Variants in MYO10 observed in about 807,000 individuals in gnomAD.
MYO10 encodes myosin X.
MYO10 carries 133 observed loss-of-function variants against 257.3 expected under a neutral mutation model. The ratio of observed to expected loss-of-function variants is 0.52; its 90% confidence interval spans 0.45 to 0.60. The LOEUF is 0.60. MYO10 is among the 20% of genes least tolerant of loss of function. The probability of loss-of-function intolerance (pLI) is 0.00; values close to 1 mark genes in which losing one functional copy is unlikely to be tolerated. For synonymous variants in MYO10, 1,104 were observed against 1,028.6 expected (o/e 1.07, Z -1.40); for missense variants, 2,399 against 2,635.7 (o/e 0.91, Z 1.97).
At chr5:16,925,750 T>C (rs558067622) in intron 1 of MYO10, among the ~76,000 whole-genome samples, 4 of 152,264 alleles carry the variant, frequency 2.6e-5, no homozygotes, top group South Asian at 2.1e-4. Flanking sequence ...TGAAAAGTTA[T>C]AAAGAACCTC....
At chr5:16,766,457 C>T (rs563907669) in intron 10 of MYO10, among the ~76,000 whole-genome samples, 1 of 152,220 alleles carries the variant, frequency 6.6e-6, no homozygotes, top group South Asian at 2.1e-4. Context: ...TTTTTTGAGA[C>T]GGAGTCTCGC....
chr5:16,705,371 G>A (rs927593547), intron 21 of MYO10, among the ~76,000 whole-genome samples: 1 of 152,190 alleles, frequency 6.6e-6, no homozygotes, highest in Non-Finnish European at 1.5e-5. Flanking sequence ...GCCTATGTCT[G>A]AGAATGGACA....
chr5:16,698,582 C>T (rs1208236026), intron 26 of MYO10, among the ~76,000 whole-genome samples: 8 of 151,196 alleles, frequency 5.3e-5, no homozygotes, highest in African/African-American at 1.9e-4. Flanking sequence ...CTAGCACATC[C>T]TTTTAGGCTC....
At chr5:16,758,652 G>C (rs986935180) in intron 17 of MYO10, among the ~76,000 whole-genome samples, 4 of 152,168 alleles carry the variant, frequency 2.6e-5, no homozygotes, top group African/African-American at 7.2e-5. Context: ...GGGTGAGGCA[G>C]GCGATGGTTC....
chr5:16,789,273 T>C (rs916103930), intron 4 of MYO10, among the ~76,000 whole-genome samples: 1 of 152,250 alleles, frequency 6.6e-6, no homozygotes, highest in Non-Finnish European at 1.5e-5. Flanking sequence ...GCCTAAAATA[T>C]ACACTCTTTG....
intron 30 of MYO10, among the ~76,000 whole-genome samples, chr5:16,683,007 C>T (rs1021918849): frequency 6.6e-6 from 1 of 151,978 alleles, no homozygotes; most frequent in South Asian, 2.1e-4. Context: ...GCTTTGATTA[C>T]GGATATGACA....
At chr5:16,847,918 T>C (rs1743685441) in intron 2 of MYO10, among the ~76,000 whole-genome samples, 1 of 152,122 alleles carries the variant, frequency 6.6e-6, no homozygotes, top group African/African-American at 2.4e-5. Context: ...TAAAGTTACT[T>C]TAAAATACTA....
At chr5:16,826,726 C>T (rs116270847) in intron 2 of MYO10, among the ~76,000 whole-genome samples, 91 of 152,296 alleles carry the variant, frequency 6.0e-4, no homozygotes, top group African/African-American at 2.0e-3. Flanking sequence ...TGGCTGGCCT[C>T]GTTTAGATTT....
intron 1 of MYO10, among the ~76,000 whole-genome samples, chr5:16,920,978 C>G (rs1332169786): frequency 6.6e-6 from 1 of 151,732 alleles, no homozygotes; most frequent in African/African-American, 2.4e-5. Context: ...TTAGTTGGGG[C>G]GTGGTGGTGG....
At chr5:16,723,564 T>TAA (rs145334272) in intron 19 of MYO10, among the ~76,000 whole-genome samples, 341 of 152,238 alleles carry the variant, frequency 2.2e-3, no homozygotes, top group African/African-American at 8.0e-3. Context: ...GACAGTTTCT[T>TAA]AAAAGCTGAA....
At chr5:16,822,827 A>G (rs1247042557) in intron 2 of MYO10, among the ~76,000 whole-genome samples, 1 of 151,880 alleles carries the variant, frequency 6.6e-6, no homozygotes, top group Non-Finnish European at 1.5e-5. Flanking sequence ...AGCTGGGACT[A>G]CAGGCGCCCG....
At position 16,777,839 on chromosome 5, in the gene MYO10, C is replaced by CCTT. The variant is rs1560979466; in HGVS notation, c.930+1705_930+1706insAAG. ...GCCACCCTAGGTGCATTGCATCTAA[C>CCTT]TTTTTTTTTTTTTTTTTTTTTTTTT... On this transcript the variant is annotated intron_variant, in intron 9 of 40. Transcript: ENST00000513610. 3.2e-4 allele frequency among the ~76,000 whole-genome samples: 28 copies of CCTT among 88,478 alleles called. 3 individuals carry two copies. Among genetic ancestry groups the CCTT allele is most frequent in the African/African-American group, 8.6e-4 (16 of 18,652 alleles). 58.0% of individuals were successfully genotyped at this position (88,478 alleles called of 152,430 possible).
intron 3 of MYO10, among the ~76,000 whole-genome samples, chr5:16,796,483 G>GAAAGAAAGAAAGAAAGAAAGAAAGA (rs1553997268): frequency 7.3e-6 from 1 of 136,862 alleles, no homozygotes; most frequent in Admixed American, 7.4e-5. Context: ...GAAAAGAAAA[G>GAAAGAAAGAAAGAAAGAAAGAAAGA]AAAGAAAGAA....
rs186242347 is a variant in MYO10 at position 16,900,571 on chromosome 5, G to A, written c.22-22864C>T. Among the ~76,000 whole-genome samples the A allele has an allele frequency of 1.3e-4, 20 of 152,012 alleles. No individual in the cohort carries two copies. In the South Asian group the frequency reaches 1.5e-3, roughly 11 times the overall value. ...GAGGCAAATTAGCTTTTCAAAAGAC[G>A]GGGGACCGATCCATCCGGTGACAAT... On this transcript the variant is annotated intron_variant, in intron 1 of 40. Transcript: ENST00000513610.
At chr5:16,726,771 T>C (rs2126608716) in intron 19 of MYO10, among the ~76,000 whole-genome samples, 1 of 152,318 alleles carries the variant, frequency 6.6e-6, no homozygotes, top group East Asian at 1.9e-4. Context: ...AGAAATCAAC[T>C]TCTGAGCATT....
chr5:16,854,240 G>T (rs1194769174), intron 2 of MYO10: 1 of 152,142 alleles, frequency 6.6e-6, no homozygotes, highest in African/African-American at 2.4e-5. Flanking sequence ...AATGCTGTAA[G>T]AATTAGTCAC....
intron 19 of MYO10, among the ~76,000 whole-genome samples, chr5:16,740,165 GGCC>G (rs1739965923): frequency 6.6e-6 from 1 of 152,036 alleles, no homozygotes; most frequent in Non-Finnish European, 1.5e-5. Flanking sequence ...TCTCAAACCT[GGCC>G]CTTTGCTCCA....
rs754812113 is a variant in MYO10, at chr5:16,766,125, C to CCCT, written c.1133_1134insAGG (p.Met378delinsIleGly). ...TGAGGATCTCTTCTCCCCTGAGGAA[C>CCCT]ATTGATCTCTGGGTCAAAGCATCTG... On this transcript the variant is annotated protein_altering_variant, in exon 11 of 41. Transcript: ENST00000513610. The CCCT allele has an allele frequency of 5.6e-6, 9 of 1,613,846 alleles. No individual in the cohort carries two copies. In the South Asian group the frequency reaches 9.9e-5, roughly 18 times the overall value.
chr5:16,777,415 T>C (rs1741252501), intron 9 of MYO10, among the ~76,000 whole-genome samples: 1 of 152,014 alleles, frequency 6.6e-6, no homozygotes. Flanking sequence ...AAATGATGCA[T>C]GATTTATATC....
Sources: gnomAD v4.1 joint callset for allele counts (sites outside exome capture counted in the v4.1 genomes callset) on GRCh38, gnomAD v4.1.1 for gene constraint, MANE v1.5 for transcripts, NCBI Gene and HGNC (gene_info 2026-07-23, HGNC 2026-07-21) for gene names.